The following TAFA2 variants were observed in gnomAD, a reference collection of about 807,000 sequenced individuals.
TAFA2 encodes the protein TAFA chemokine like family member 2.
TAFA2 carries 7 observed loss-of-function variants against 18.8 expected under a neutral mutation model. The ratio of observed to expected loss-of-function variants is 0.37; its 90% CI spans 0.21 to 0.70. The LOEUF is 0.70. TAFA2 is among the 30% of genes least tolerant of loss of function. The probability of loss-of-function intolerance (pLI) is 0.53; values close to 1 mark genes in which losing one functional copy is unlikely to be tolerated. For missense variants in TAFA2, 122 were observed against 158.1 expected (o/e 0.77, Z 1.23); for synonymous variants, 60 against 54.2 (o/e 1.11, Z -0.47).
At position 62,015,879 on chromosome 12, in the gene TAFA2, AG is replaced by A. The variant is rs565365054; in HGVS notation, c.-1-148454del. On this transcript the variant is annotated intron_variant, in intron 1 of 4. Transcript: ENST00000416284. ...TGCAGAAAGTAGAATGGTGGTTGCCAGGGGCTAGAGGGATAGGAGAATGGGG... is the reference window on the plus strand; with the variant it reads ...TGCAGAAAGTAGAATGGTGGTTGCCAGGGCTAGAGGGATAGGAGAATGGGG... 1.3e-3 allele frequency among the ~76,000 whole-genome samples: 197 copies of A among 152,330 alleles called. 1 individual carries two copies. Among genetic ancestry groups the A allele is most frequent in the African/African-American group, 4.5e-3 (186 of 41,584 alleles).
At chr12:62,103,785 C>A (rs187729645) in intron 1 of TAFA2, among the ~76,000 whole-genome samples, 1 of 151,338 alleles carries the variant, frequency 6.6e-6, no homozygotes, top group East Asian at 1.9e-4. Flanking sequence ...CTCATAAACA[C>A]CTGGGAACTG....
At chr12:62,167,954 T>C (rs549477104) in intron 1 of TAFA2, among the ~76,000 whole-genome samples, 1 of 152,206 alleles carries the variant, frequency 6.6e-6, no homozygotes, top group South Asian at 2.1e-4. Flanking sequence ...TTGAAATACA[T>C]GAAATATGGC....
intron 1 of TAFA2, among the ~76,000 whole-genome samples, chr12:62,205,889 G>T (rs1381805964): frequency 1.3e-5 from 2 of 152,168 alleles, no homozygotes; most frequent in Non-Finnish European, 2.9e-5. Flanking sequence ...TGATTCATGG[G>T]TTGCACAGAT....
At chr12:61,783,917 G>T (rs1320884454) in intron 2 of TAFA2, among the ~76,000 whole-genome samples, 1 of 151,458 alleles carries the variant, frequency 6.6e-6, no homozygotes. Flanking sequence ...TTAGTCAGAA[G>T]AGAGAAACAC....
At chr12:61,944,958 G>C (rs1878204054) in intron 1 of TAFA2, among the ~76,000 whole-genome samples, 3 of 148,052 alleles carry the variant, frequency 2.0e-5, no homozygotes, top group Admixed American at 2.0e-4. Context: ...CATTTTATGA[G>C]GCCAGCATCA....
At chr12:61,898,635 C>A (rs2359975) in intron 1 of TAFA2, among the ~76,000 whole-genome samples, 82,683 of 151,744 alleles carry the variant, frequency 0.54, 23,829 homozygotes, top group African/African-American at 0.74. Flanking sequence ...AGCTGGAATG[C>A]AAGGCACAGA....
chr12:62,142,019 G>T (rs190015847), intron 1 of TAFA2, among the ~76,000 whole-genome samples: 1 of 152,100 alleles, frequency 6.6e-6, no homozygotes, highest in Non-Finnish European at 1.5e-5. Flanking sequence ...GGCATCACAC[G>T]GTCTCCTCAC....
intron 1 of TAFA2, among the ~76,000 whole-genome samples, chr12:62,218,743 C>CT (rs898365128): frequency 2.1e-4 from 31 of 150,980 alleles, no homozygotes; most frequent in Middle Eastern, 6.9e-3. Flanking sequence ...TTTTCTTTCT[C>CT]TTTTTTTTTG....
At chr12:61,990,337 A>ATTTT (rs71083969) in intron 1 of TAFA2, among the ~76,000 whole-genome samples, 5,482 of 108,058 alleles carry the variant, frequency 0.051, 337 homozygotes, top group South Asian at 0.1. Context: ...CACTGTGCCA[A>ATTTT]TTTTTTTTTT....
intron 4 of TAFA2, among the ~76,000 whole-genome samples, chr12:61,716,493 T>C (rs1018508634): frequency 2.6e-5 from 4 of 152,174 alleles, no homozygotes; most frequent in Non-Finnish European, 4.4e-5. Flanking sequence ...ATTTCAGTTG[T>C]TCCATTTGCT....
intron 1 of TAFA2, among the ~76,000 whole-genome samples, chr12:62,255,668 C>T (rs1474851312): frequency 6.6e-6 from 1 of 151,778 alleles, no homozygotes; most frequent in Non-Finnish European, 1.5e-5. Context: ...GCCTGGCCAA[C>T]ATGGTGAAAC....
At chr12:62,234,621 C>T (rs11615656) in intron 1 of TAFA2, 77,918 of 824,716 alleles carry the variant, frequency 0.094, 4,370 homozygotes, top group Middle Eastern at 0.17. Flanking sequence ...GGGCCTCTCA[C>T]CCATGTGCTT....
chr12:62,243,189 C>T (rs1236525425), intron 1 of TAFA2, among the ~76,000 whole-genome samples: 2 of 152,124 alleles, frequency 1.3e-5, no homozygotes, highest in African/African-American at 4.8e-5. Context: ...AAGCCAGTTT[C>T]TCATTACATA....
chr12:61,841,504 C>T (rs565991332), intron 2 of TAFA2, among the ~76,000 whole-genome samples: 12 of 152,132 alleles, frequency 7.9e-5, no homozygotes, highest in East Asian at 1.9e-4. Flanking sequence ...TTGGTCTATA[C>T]GTCTGTTTTT....
chr12:61,933,408 A>T (rs975239131), intron 1 of TAFA2, among the ~76,000 whole-genome samples: 1 of 152,210 alleles, frequency 6.6e-6, no homozygotes, highest in African/African-American at 2.4e-5. Flanking sequence ...ACTCGAAACC[A>T]GGGCTAAAAG....
chr12:62,084,383 C>A (rs979910136), intron 1 of TAFA2, among the ~76,000 whole-genome samples: 3 of 152,092 alleles, frequency 2.0e-5, no homozygotes, highest in African/African-American at 7.2e-5. Context: ...AAGGTAGAGA[C>A]GTAACACAAA....
In TAFA2 at chr12:61,730,562, A is replaced by T. The variant is rs186623794; in HGVS notation, c.385-20145T>A. On this transcript the variant is annotated intron_variant, in intron 4 of 4. Coordinates refer to ENST00000416284, the MANE Select transcript of TAFA2 (RefSeq NM_178539.5). ...CAGGGTTAGGTGTGTCTGATCTCAG[A>T]CTCTCCATGGGCAGGGCTTGCTGCA... 1.1e-3 allele frequency among the ~76,000 whole-genome samples: 164 copies of T among 151,680 alleles called. 2 individuals carry two copies. Among genetic ancestry groups the T allele is most frequent in the African/African-American group, 3.7e-3 (154 of 41,392 alleles).
intron 1 of TAFA2, among the ~76,000 whole-genome samples, chr12:62,209,423 AT>A (rs1473345693): frequency 6.6e-6 from 1 of 152,158 alleles, no homozygotes; most frequent in Non-Finnish European, 1.5e-5. Context: ...CTCCCCAGCA[AT>A]GCTGAACTGT....
At chr12:61,903,618 T>C (rs1876210685) in intron 1 of TAFA2, among the ~76,000 whole-genome samples, 1 of 152,182 alleles carries the variant, frequency 6.6e-6, no homozygotes, top group African/African-American at 2.4e-5. Flanking sequence ...CTCTCCTTAA[T>C]ACCAAATAAC....
Sources: gnomAD v4.1 joint callset for allele counts (sites outside exome capture counted in the v4.1 genomes callset) on GRCh38, gnomAD v4.1.1 for gene constraint, MANE v1.5 for transcripts, NCBI Gene and HGNC (gene_info 2026-07-23, HGNC 2026-07-21) for gene names.